Variants in NHEJ1 observed in about 807,000 individuals in gnomAD.
The protein encoded by NHEJ1 is non-homologous end joining factor 1, also known as non-homologous end-joining factor 1.
NHEJ1 carries 22 observed loss-of-function variants against 39.4 expected under a neutral mutation model. The ratio of observed to expected loss-of-function variants is 0.56; its 90% CI spans 0.40 to 0.80. The LOEUF (loss-of-function observed/expected upper bound fraction) is 0.80, where lower values mean the gene tolerates loss of function less well. Among genes scored for constraint, NHEJ1 ranks in the 30% least tolerant of loss-of-function variants. NHEJ1 has a pLI of 0.00. For synonymous variants in NHEJ1, 154 were observed against 135.6 expected (o/e 1.14, Z -0.94); for missense variants, 329 against 357.1 (o/e 0.92, Z 0.63).
At chr2:219,104,521 G>C (rs781153673) in intron 5 of NHEJ1, among the ~76,000 whole-genome samples, 3 of 152,130 alleles carry the variant, frequency 2.0e-5, no homozygotes, top group Non-Finnish European at 4.4e-5. Flanking sequence ...AGGAAACAAA[G>C]GGGAATAGAG....
At chr2:219,123,910 A>T (rs928582486) in intron 5 of NHEJ1, among the ~76,000 whole-genome samples, 4 of 152,238 alleles carry the variant, frequency 2.6e-5, no homozygotes, top group Admixed American at 1.3e-4. Flanking sequence ...TGTAGCTCTA[A>T]TAAAAAGAAA....
At chr2:219,146,877 A>G in intron 4 of NHEJ1, 139 bp from the exon 5 acceptor site, 1 of 707,994 alleles carries the variant, frequency 1.4e-6, no homozygotes, top group South Asian at 1.5e-5. Context: ...TCAGTGGGAG[A>G]AGAAGGGCTG....
chr2:219,144,191 G>A (rs1949714979), intron 5 of NHEJ1, among the ~76,000 whole-genome samples: 1 of 152,128 alleles, frequency 6.6e-6, no homozygotes, highest in African/African-American at 2.4e-5. Context: ...AAGCAACACT[G>A]TATCCACAGG....
intron 3 of NHEJ1, among the ~76,000 whole-genome samples, chr2:219,155,856 C>T (rs182493726): frequency 1.3e-3 from 198 of 151,486 alleles, no homozygotes; most frequent in African/African-American, 4.7e-3. Flanking sequence ...ACCCAGGAGG[C>T]GGAGCTTGTA....
intron 5 of NHEJ1, among the ~76,000 whole-genome samples, chr2:219,089,747 T>C (rs951026209): frequency 6.6e-5 from 10 of 152,248 alleles, no homozygotes; most frequent in African/African-American, 2.2e-4. Context: ...TCATGGTATG[T>C]GGATTATAGC....
chr2:219,114,612 A>G (rs970662362), intron 5 of NHEJ1, among the ~76,000 whole-genome samples: 19 of 152,136 alleles, frequency 1.2e-4, no homozygotes, highest in African/African-American at 4.6e-4. Flanking sequence ...CAGCCCAACA[A>G]GAAGGACGAG....
chr2:219,117,466 G>A (rs1949426269), intron 5 of NHEJ1, among the ~76,000 whole-genome samples: 1 of 152,182 alleles, frequency 6.6e-6, no homozygotes, highest in African/African-American at 2.4e-5. Context: ...TCTTCATGGG[G>A]CACAGCCAAG....
At chr2:219,096,762 G>A (rs943875744) in intron 5 of NHEJ1, among the ~76,000 whole-genome samples, 5 of 152,154 alleles carry the variant, frequency 3.3e-5, no homozygotes, top group African/African-American at 1.2e-4. Flanking sequence ...AAACAGTAAG[G>A]TGACCAATGT....
chr2:219,110,562 G>A (rs1393867533), intron 5 of NHEJ1, among the ~76,000 whole-genome samples: 2 of 150,824 alleles, frequency 1.3e-5, no homozygotes, highest in African/African-American at 4.9e-5. Context: ...ATTGGGTTAT[G>A]GTAAGTGCTA....
intron 5 of NHEJ1, among the ~76,000 whole-genome samples, chr2:219,142,366 C>T (rs1559200988): frequency 6.6e-6 from 1 of 152,138 alleles, no homozygotes; most frequent in South Asian, 2.1e-4. Context: ...CTGTAGAGGG[C>T]GGGGCTCTAT....
At chr2:219,101,061 T>C (rs191026019) in intron 5 of NHEJ1, among the ~76,000 whole-genome samples, 141 of 152,358 alleles carry the variant, frequency 9.3e-4, no homozygotes, top group African/African-American at 3.2e-3. Flanking sequence ...TATATTCTTA[T>C]GCATTTTGCC....
chr2:219,077,208 C>CA, intron 7 of NHEJ1, 38 bp downstream of exon 7: 1 of 1,505,148 alleles, frequency 6.6e-7, no homozygotes, highest in South Asian at 1.1e-5. Flanking sequence ...TAGGTGCCAA[C>CA]TCTCAGAACA....
At chr2:219,132,047 T>C (rs1574731546) in intron 5 of NHEJ1, among the ~76,000 whole-genome samples, 2 of 152,216 alleles carry the variant, frequency 1.3e-5, no homozygotes, top group Non-Finnish European at 2.9e-5. Flanking sequence ...AATTTCCACA[T>C]AAGTAAAAGA....
At chr2:219,123,693 C>A (rs775046678) in intron 5 of NHEJ1, among the ~76,000 whole-genome samples, 1 of 151,910 alleles carries the variant, frequency 6.6e-6, no homozygotes, top group South Asian at 2.1e-4. Context: ...TAGAAAAGTG[C>A]GTCTTTACTC....
At chr2:219,101,608 G>A (rs1364457522) in intron 5 of NHEJ1, among the ~76,000 whole-genome samples, 3 of 151,224 alleles carry the variant, frequency 2.0e-5, no homozygotes, top group Non-Finnish European at 2.9e-5. Context: ...ATGGAGTCTC[G>A]CTATGTTTCC....
intron 5 of NHEJ1, among the ~76,000 whole-genome samples, chr2:219,085,190 A>G (rs1474281523): frequency 6.6e-6 from 1 of 152,242 alleles, no homozygotes; most frequent in Non-Finnish European, 1.5e-5. Context: ...TCTGAGAGAA[A>G]AAACTACTAG....
Position 219,107,688 on chromosome 2 carries a change from G to C in NHEJ1, c.589-29482C>G, listed in dbSNP as rs80029623. Among the ~76,000 whole-genome samples the C allele has an allele frequency of 8.5e-3, 1,297 of 152,166 alleles. 9 individuals are homozygous for C. Among genetic ancestry groups the C allele is most frequent in the African/African-American group, 0.029 (1,207 of 41,520 alleles). On this transcript the variant is annotated intron_variant, in intron 5 of 7. Transcript: ENST00000356853. ...ACATCCACCATACCTTAAATTAGTG[G>C]CATGTGCCCTGCAGGTATTTCCCAT...
At chr2:219,087,380 C>CTT (rs11422870) in intron 5 of NHEJ1, among the ~76,000 whole-genome samples, 38 of 149,742 alleles carry the variant, frequency 2.5e-4, no homozygotes, top group Middle Eastern at 3.4e-3. Context: ...GTGCAGATTC[C>CTT]TTTTTTTTTT....
In NHEJ1 at chr2:219,146,745, T is replaced by C; in HGVS notation, c.530-7A>G. On this transcript the variant is annotated splice_polypyrimidine_tract_variant and splice_region_variant and intron_variant, in intron 4 of 7. Transcript: ENST00000356853. ...GGTTCTGTCTTCAATCGATCTGTAA[T>C]AAGAAGGATCAGAAAAAAGAAATAT... is the stretch of plus-strand genomic sequence containing the variant. 6.2e-7 allele frequency: 1 copy of C among 1,606,424 alleles called. No individual in the cohort carries two copies. The highest frequency in any genetic ancestry group is 8.5e-7 in the Non-Finnish European group (1 of 1,173,114).
Sources: gnomAD v4.1 joint callset for allele counts (sites outside exome capture counted in the v4.1 genomes callset) on GRCh38, gnomAD v4.1.1 for gene constraint, MANE v1.5 for transcripts, NCBI Gene and HGNC (gene_info 2026-07-23, HGNC 2026-07-21) for gene names.